TTLL9: variants seen among roughly 807,000 people sequenced by gnomAD.
TTLL9 encodes the protein probable tubulin polyglutamylase TTLL9.
A neutral mutation model predicts 65.6 loss-of-function variants in TTLL9; 47 were observed. The observed-to-expected ratio is 0.72, with a 90% confidence interval of 0.57 to 0.91. TTLL9 has a LOEUF of 0.91. Among genes scored for constraint, TTLL9 ranks in the 40% least tolerant of loss-of-function variants. TTLL9 has a pLI of 0.00. For synonymous variants in TTLL9, 179 were observed against 204.8 expected (o/e 0.87, Z 1.07); for missense variants, 537 against 568.8 (o/e 0.94, Z 0.57).
chr20:31,894,720 TACACAC>T (rs10582768), intron 3 of TTLL9, among the ~76,000 whole-genome samples: 7 of 148,978 alleles, frequency 4.7e-5, no homozygotes, highest in African/African-American at 7.4e-5. Context: ...TACATGTATA[TACACAC>T]ACACACACAC....
intron 11 of TTLL9, chr20:31,934,414 T>C (rs533402882): frequency 2.5e-4 from 149 of 600,502 alleles, no homozygotes; most frequent in Non-Finnish European, 3.5e-4. Context: ...ACATGGTCAG[T>C]GTGGTCTGTC....
intron 6 of TTLL9, 27 bp downstream of exon 6, chr20:31,909,949 TGG>T: frequency 1.2e-6 from 1 of 831,448 alleles, no homozygotes; most frequent in Non-Finnish European, 1.9e-6. Context: ...AGGGGCTGGG[TGG>T]GAGGGAATGA....
At chr20:31,938,733 C>T (rs572060115) in intron 13 of TTLL9, among the ~76,000 whole-genome samples, 3 of 152,240 alleles carry the variant, frequency 2.0e-5, no homozygotes, top group Admixed American at 2.0e-4. Flanking sequence ...CAAAAATTAG[C>T]TGGGTGTGGT....
In TTLL9 at chr20:31,931,450, A is replaced by G. The variant is rs139557371; in HGVS notation, c.749-2350A>G. ...GCTTCCACGCCTGGCTAATTTTTGT[A>G]TTTCGTGTACATACAGGGTTTCACC... On this transcript the variant is annotated intron_variant, in intron 10 of 14. Coordinates refer to ENST00000535842, the MANE Select transcript of TTLL9 (RefSeq NM_001008409.5). Among the ~76,000 whole-genome samples, 912 of 151,678 alleles carry G rather than the reference A, an allele frequency of 6.0e-3. 11 individuals are homozygous for G. The highest frequency in any genetic ancestry group is 0.022 in the African/African-American group (888 of 41,272).
At chr20:31,891,854 G>A (rs986169188) in intron 3 of TTLL9, among the ~76,000 whole-genome samples, 5 of 152,136 alleles carry the variant, frequency 3.3e-5, no homozygotes, top group East Asian at 1.9e-4. Context: ...CCAGGCTGGA[G>A]TGCAGTGGTA....
intron 1 of TTLL9, 24 bp from the exon 2 acceptor site, chr20:31,871,098 C>T: frequency 1.2e-6 from 2 of 1,610,566 alleles, no homozygotes; most frequent in Admixed American, 1.7e-5. Flanking sequence ...CTCACTCCTT[C>T]CTTCCATCCA....
chr20:31,911,226 G>T (rs898396970), intron 6 of TTLL9, among the ~76,000 whole-genome samples: 4 of 152,018 alleles, frequency 2.6e-5, no homozygotes, highest in Admixed American at 1.3e-4. Flanking sequence ...GGACAACAGC[G>T]CACCTACCAA....
chr20:31,881,789 C>T (rs1463777851), intron 2 of TTLL9, among the ~76,000 whole-genome samples: 1 of 152,046 alleles, frequency 6.6e-6, no homozygotes, highest in Non-Finnish European at 1.5e-5. Flanking sequence ...TGAAATAGTC[C>T]CTTCCCTTGA....
intron 6 of TTLL9, among the ~76,000 whole-genome samples, chr20:31,911,365 G>A (rs936268924): frequency 6.6e-6 from 1 of 152,224 alleles, no homozygotes; most frequent in Non-Finnish European, 1.5e-5. Flanking sequence ...CAGGGAGGGA[G>A]CAGGAGGGTG....
At chr20:31,904,192 T>C (rs1326588438) in intron 4 of TTLL9, among the ~76,000 whole-genome samples, 1 of 152,220 alleles carries the variant, frequency 6.6e-6, no homozygotes, top group African/African-American at 2.4e-5. Flanking sequence ...AGTACCTTGA[T>C]TGACCATTAG....
chr20:31,884,333 C>T (rs1016144551), intron 2 of TTLL9, among the ~76,000 whole-genome samples: 1 of 152,202 alleles, frequency 6.6e-6, no homozygotes, highest in African/African-American at 2.4e-5. Context: ...TCAAGTGATT[C>T]TCCTGCCTCA....
intron 2 of TTLL9, among the ~76,000 whole-genome samples, chr20:31,877,466 A>G (rs916625837): frequency 2.0e-5 from 3 of 152,168 alleles, no homozygotes; most frequent in African/African-American, 7.2e-5. Context: ...TCAGATTTAA[A>G]CTGATCATCT....
chr20:31,908,508 C>T, intron 4 of TTLL9, 83 bp from the exon 5 acceptor site: 1 of 913,300 alleles, frequency 1.1e-6, no homozygotes, highest in Non-Finnish European at 1.8e-6. Context: ...TTCCTCAAGC[C>T]CCCTCGGCAG....
intron 3 of TTLL9, among the ~76,000 whole-genome samples, chr20:31,897,493 A>G (rs1241655881): frequency 6.6e-6 from 1 of 152,094 alleles, no homozygotes; most frequent in Non-Finnish European, 1.5e-5. Context: ...CTGATTTGCT[A>G]TAATGTTTTT....
chr20:31,940,006 C>A (rs1179307399), intron 14 of TTLL9: 1 of 152,148 alleles, frequency 6.6e-6, no homozygotes. Flanking sequence ...TATAATTGGA[C>A]ATTTGGCACA....
intron 2 of TTLL9, chr20:31,879,784 C>A (rs1001492682): frequency 6.5e-6 from 10 of 1,540,392 alleles, no homozygotes; most frequent in South Asian, 2.4e-5. Context: ...CCAATCAGAG[C>A]GGCGGATCCA....
At chr20:31,942,384 C>T (rs73245411) in intron 14 of TTLL9, among the ~76,000 whole-genome samples, 13,691 of 152,190 alleles carry the variant, frequency 0.09, 656 homozygotes, top group Middle Eastern at 0.16. Flanking sequence ...GCCACATGTA[C>T]GGAAAACTCA....
Position 31,942,955 on chromosome 20 carries a change from C to A in TTLL9, c.1254C>A (p.Asn418Lys). 3 of 1,614,110 alleles carry A rather than the reference C, an allele frequency of 1.9e-6. No homozygotes were observed. The highest frequency in any genetic ancestry group is 2.5e-6 in the Non-Finnish European group (3 of 1,180,000). Reference sequence around the variant, plus strand: ...CCACTTCCTTTCCAGGCTGCGTCAACGATCGGAAGAAACAACTGAGGCAGC... The same window carrying A: ...CCACTTCCTTTCCAGGCTGCGTCAAAGATCGGAAGAAACAACTGAGGCAGC... ...FVTNTHLGCVNDRKKQLRQLF... is the reference protein window; with the variant it reads ...FVTNTHLGCVKDRKKQLRQLF... The change falls in exon 15 of 15, where the codon AAC (asparagine) becomes AAA (lysine). Residue 418 changes from asparagine (N) to lysine (K), a missense_variant. Physicochemically the swap from Asn to Lys is moderately conservative, Grantham distance 94. Transcript: ENST00000535842.
In TTLL9 at chr20:31,943,650, A is replaced by G. The variant is rs1428684476; in HGVS notation, c.*629A>G. The G allele has an allele frequency of 4.5e-6, 2 of 444,278 alleles. No homozygotes were observed. The highest frequency in any genetic ancestry group is 9.1e-6 in the Non-Finnish European group (2 of 219,026). 27.5% of individuals were successfully genotyped at this position (444,278 alleles called of 1,614,324 possible). On this transcript the variant is annotated 3_prime_UTR_variant, in exon 15 of 15. Transcript: ENST00000535842. ...TGACCATCATCTGAAAACCAGTGGG[A>G]CAGGGCATCCCCATTTCTCAGATGG...
Sources: allele counts gnomAD v4.1 joint callset (sites outside exome capture counted in the v4.1 genomes callset), GRCh38; gene constraint gnomAD v4.1.1; transcripts MANE v1.5; gene names NCBI Gene and HGNC (gene_info 2026-07-23, HGNC 2026-07-21).